CROCC: variants seen among roughly 807,000 people sequenced by gnomAD.
CROCC encodes rootletin.
CROCC carries 180 observed loss-of-function variants against 245.2 expected under a neutral mutation model. The ratio of observed to expected loss-of-function variants is 0.73; its 90% CI spans 0.65 to 0.83. CROCC has a LOEUF of 0.83. Among genes scored for constraint, CROCC ranks in the 40% least tolerant of loss-of-function variants. The pLI, the probability that CROCC is intolerant of heterozygous loss-of-function variation, is 0.00. For missense variants in CROCC, 2,688 were observed against 2,779.4 expected (o/e 0.97, Z 0.74); for synonymous variants, 1,205 against 1,241.6 (o/e 0.97, Z 0.62).
rs138297402 is a variant in CROCC, at chr1:16,968,247, C to T, written c.4905C>T (p.Gly1635=). Residue 1635 remains glycine (G), a synonymous_variant, in exon 31 of 37, where the codon GGC becomes GGT. Transcript: ENST00000375541. ...AGGCCAATGAGACAAAGCTGGAGGG[C>T]GACAAGCGGCGCCTGAAGGAGGTTC... is the stretch of plus-strand genomic sequence containing the variant. ...KMKANETKLE[G]DKRRLKEVLD... 577 of 1,567,976 alleles carry T rather than the reference C, an allele frequency of 3.7e-4. No individual in the cohort carries two copies. The highest frequency in any genetic ancestry group is 4.5e-4 in the Non-Finnish European group (524 of 1,157,980).
chr1:16,946,569 G>T (rs2076051689), intron 16 of CROCC, among the ~76,000 whole-genome samples, 164 bp downstream of exon 16: 1 of 152,254 alleles, frequency 6.6e-6, no homozygotes, highest in African/African-American at 2.4e-5. Context: ...TCCCCTCTAG[G>T]CGTCAAAGCA....
At position 16,931,334 on chromosome 1, in the gene CROCC, T is replaced by G. The variant is rs144141018; in HGVS notation, c.893T>G (p.Leu298Arg). 6.2e-7 allele frequency: 1 copy of G among 1,612,766 alleles called. No individual in the cohort carries two copies. ...AGCAACGAGCACAGTCGCCTGCTCC[T>G]CCTCTGGAGGCAGGTGGTGGGGTTC... ...YFSNEHSRLL[L>R]LWRQVVGFRR... The change falls in exon 8 of 37, where the codon CTC becomes CGC. Residue 298 changes from leucine (L) to arginine (R), a missense_variant. Physicochemically the swap from Leu to Arg is moderately radical, Grantham distance 102. Transcript: ENST00000375541.
intron 19 of CROCC, among the ~76,000 whole-genome samples, chr1:16,949,868 C>G (rs1450501183): frequency 1.3e-5 from 2 of 151,896 alleles, no homozygotes; most frequent in Non-Finnish European, 2.9e-5. Context: ...CTTCTGGGTT[C>G]AAGCGATTCT....
chr1:16,946,197 G>A (rs555701949), intron 15 of CROCC, 62 bp from the exon 16 acceptor site: 30 of 1,560,160 alleles, frequency 1.9e-5, no homozygotes, highest in Non-Finnish European at 2.4e-5. Flanking sequence ...TCTCTTCTTG[G>A]GCCTCCTCAC....
At position 16,970,386 on chromosome 1, in the gene CROCC, G is replaced by T. The variant is rs750766015; in HGVS notation, c.5585G>T (p.Arg1862Leu). The change falls in exon 34 of 37, where the codon CGG becomes CTG. Residue 1862 changes from arginine to leucine, a missense_variant. This residue lies in a region of CROCC where 1,218 missense variants were observed against 1,286.3 expected (regional missense o/e 0.95). Transcript: ENST00000375541. ...RALAQLEAEK[R>L]EVERSALRLE... ...CTGGCTCAGCTGGAAGCTGAGAAGC[G>T]GGAGGTGGAGCGCTCAGCCCTGCGG... is the stretch of plus-strand genomic sequence containing the variant. The T allele has an allele frequency of 1.9e-6, 3 of 1,604,902 alleles. No homozygotes were observed. The highest frequency in any genetic ancestry group is 1.7e-5 in the Admixed American group (1 of 58,956).
Position 16,946,797 on chromosome 1 carries a change from C to G in CROCC, c.2320C>G (p.Arg774Gly). 6.4e-7 allele frequency: 1 copy of G among 1,552,194 alleles called. No homozygotes were observed. Among genetic ancestry groups the G allele is most frequent in the South Asian group, 1.2e-5 (1 of 84,124 alleles). The change falls in exon 17 of 37, where the codon CGG becomes GGG. Residue 774 changes from arginine to glycine, a missense_variant. By Grantham distance (125) the Arg-to-Gly change is moderately radical (BLOSUM62 -2). This residue lies in a region of CROCC where 295 missense variants were observed against 241.7 expected (regional missense o/e 1.22). Coordinates refer to ENST00000375541, the MANE Select transcript of CROCC (RefSeq NM_014675.5). The stretch of plus-strand genomic sequence containing the variant: ...AAAGTCCGCCCTGCAGGGCCGGCAA[C>G]GGCAGGCAGAGCAGGAGGCCACAGT... Reference protein sequence around the residue: ...EEKSALQGRQRQAEQEATVAR... With the variant: ...EEKSALQGRQGQAEQEATVAR...
At position 16,946,783 on chromosome 1, in the gene CROCC, T is replaced by A; in HGVS notation, c.2306T>A (p.Leu769Gln). The change falls in exon 17 of 37, where the codon CTG becomes CAG. Residue 769 changes from leucine to glutamine, a missense_variant. By Grantham distance (113) the Leu-to-Gln change is moderately radical (BLOSUM62 -2). Around this residue, in one of 9 missense-constraint regions of CROCC, gnomAD observed 295 missense variants for 241.7 expected, o/e 1.22. Coordinates refer to ENST00000375541, the MANE Select transcript of CROCC (RefSeq NM_014675.5). ...VAQLEEEKSALQGRQRQAEQE... is the reference protein window; with the variant it reads ...VAQLEEEKSAQQGRQRQAEQE... ...CAGCTGGAGGAAGAAAAGTCCGCCC[T>A]GCAGGGCCGGCAACGGCAGGCAGAG... The A allele has an allele frequency of 5.2e-6, 8 of 1,551,828 alleles. No individual in the cohort carries two copies. The highest frequency in any genetic ancestry group is 7.0e-6 in the Non-Finnish European group (8 of 1,147,158).
At chr1:16,920,489 G>C (rs1317795610), upstream of CROCC, among the ~76,000 whole-genome samples, 1 of 152,268 alleles carries the variant, frequency 6.6e-6, no homozygotes, top group African/African-American at 2.4e-5. Context: ...CACTGCACCT[G>C]GCCTGGTTTA....
intron 9 of CROCC, 34 bp downstream of exon 9, chr1:16,936,907 G>A (rs202192457): frequency 2.0e-5 from 32 of 1,566,614 alleles, no homozygotes; most frequent in South Asian, 6.8e-5. Context: ...CGAGGCAGGC[G>A]TCCCTGCAGA....
chr1:16,950,916 A>G, intron 19 of CROCC, 37 bp from the exon 20 acceptor site: 1 of 1,472,992 alleles, frequency 6.8e-7, no homozygotes, highest in East Asian at 2.5e-5. Flanking sequence ...AAAAGTTTCA[A>G]CCCAACCCTG....
intron 8 of CROCC, among the ~76,000 whole-genome samples, chr1:16,932,112 A>C (rs1167688336): frequency 2.0e-5 from 3 of 152,222 alleles, no homozygotes; most frequent in African/African-American, 7.2e-5. Flanking sequence ...TTTGCTACCA[A>C]GGACCTCACA....
chr1:16,936,486 C>T, intron 8 of CROCC, 151 bp from the exon 9 acceptor site: 1 of 738,942 alleles, frequency 1.4e-6, no homozygotes, highest in Non-Finnish European at 2.1e-6. Context: ...CCAGGCTGGT[C>T]TCGAACTCCT....
intron 3 of CROCC, among the ~76,000 whole-genome samples, chr1:16,924,728 C>G (rs1377953636): frequency 1.3e-5 from 2 of 152,284 alleles, no homozygotes; most frequent in South Asian, 2.1e-4. Context: ...GAATAAAGTG[C>G]CTGGCACCAG....
intron 24 of CROCC, 121 bp from the exon 25 acceptor site, chr1:16,955,876 A>C (rs1169537952): frequency 7.9e-7 from 1 of 1,273,476 alleles, no homozygotes; most frequent in African/African-American, 1.5e-5. Context: ...TTAGCTCTTC[A>C]GAGAGGCCAC....
At position 16,971,575 on chromosome 1, in the gene CROCC, G is replaced by A; in HGVS notation, c.5895G>A (p.Gln1965=). The part of the protein sequence containing the change: ...QQEVERLRSA[Q]AQTERTLEAR... ...AGGTGGAGCGGCTGCGCAGCGCCCA[G>A]GCGCAGACTGAGCGCACCCTGGAGG... The change falls in exon 36 of 37, where the codon CAG becomes CAA. Residue 1965 remains glutamine (Q), a synonymous_variant. Transcript: ENST00000375541. 6.5e-7 allele frequency: 1 copy of A among 1,534,232 alleles called. No homozygotes were observed. The highest frequency in any genetic ancestry group is 8.7e-7 in the Non-Finnish European group (1 of 1,144,038).
intron 3 of CROCC, among the ~76,000 whole-genome samples, chr1:16,925,540 A>G (rs2100333741): frequency 6.6e-6 from 1 of 152,408 alleles, no homozygotes; most frequent in South Asian, 2.1e-4. Context: ...TGGGCTAGGG[A>G]TTTCAGGGCA....
At chr1:16,926,899 G>C (rs534686135) in intron 3 of CROCC, among the ~76,000 whole-genome samples, 1 of 152,412 alleles carries the variant, frequency 6.6e-6, no homozygotes, top group Admixed American at 6.5e-5. Context: ...TGAATTGCAA[G>C]TAAAATTGAA....
intron 9 of CROCC, 129 bp downstream of exon 9, chr1:16,937,002 T>A (rs1252849834): frequency 5.0e-6 from 5 of 1,009,956 alleles, no homozygotes; most frequent in Non-Finnish European, 5.9e-6. Context: ...AGTCTTCCCA[T>A]GCACTGAGGT....
At chr1:16,968,975 A>T (rs1327230483) in intron 31 of CROCC, 141 bp from the exon 32 acceptor site, 10 of 858,562 alleles carry the variant, frequency 1.2e-5, no homozygotes, top group Non-Finnish European at 1.9e-5. Flanking sequence ...AGTGCTTAGG[A>T]ACACTGGGTC....
Sources: allele counts gnomAD v4.1 joint callset (sites outside exome capture counted in the v4.1 genomes callset), GRCh38; gene constraint gnomAD v4.1.1; regional missense constraint gnomAD v4.1.1; transcripts MANE v1.5; gene names NCBI Gene and HGNC (gene_info 2026-07-23, HGNC 2026-07-21).